The following SPTLC3 variants were observed in gnomAD, a reference collection of about 807,000 sequenced individuals.
The protein encoded by SPTLC3 is serine palmitoyltransferase 3.
A neutral mutation model predicts 59.3 loss-of-function variants in SPTLC3; 36 were observed. The ratio of observed to expected loss-of-function variants is 0.61; its 90% CI spans 0.47 to 0.80. The LOEUF (loss-of-function observed/expected upper bound fraction) is 0.80. Among genes scored for constraint, SPTLC3 ranks in the 30% least tolerant of loss-of-function variants. The probability of loss-of-function intolerance (pLI) is 0.00; values close to 1 mark genes in which losing one functional copy is unlikely to be tolerated. For missense variants in SPTLC3, 625 were observed against 685.1 expected, an observed-to-expected ratio of 0.91 and a Z score of 0.98; for synonymous variants, 257 against 240.8, an observed-to-expected ratio of 1.07 and a Z score of -0.62.
intron 9 of SPTLC3, among the ~76,000 whole-genome samples, chr20:13,141,348 A>C (rs1433808247): frequency 1.3e-5 from 2 of 152,226 alleles, no homozygotes; most frequent in African/African-American, 2.4e-5. Flanking sequence ...AGAGGGAATG[A>C]AAAGCAAAGA....
At chr20:13,163,723 A>T (rs2038942052) in intron 11 of SPTLC3, among the ~76,000 whole-genome samples, 1 of 152,088 alleles carries the variant, frequency 6.6e-6, no homozygotes, top group African/African-American at 2.4e-5. Flanking sequence ...AAAGTCCATA[A>T]GATCTATTAG....
chr20:13,066,103 A>G (rs1242865714), intron 2 of SPTLC3, among the ~76,000 whole-genome samples: 1 of 151,900 alleles, frequency 6.6e-6, no homozygotes, highest in African/African-American at 2.4e-5. Flanking sequence ...CCACCATTCT[A>G]CTCTCTGCTC....
intron 6 of SPTLC3, among the ~76,000 whole-genome samples, chr20:13,103,739 T>G (rs1237200518): frequency 6.6e-6 from 1 of 152,052 alleles, no homozygotes; most frequent in Non-Finnish European, 1.5e-5. Flanking sequence ...GGGCAGTGAG[T>G]GAAGATCTCA....
intron 4 of SPTLC3, among the ~76,000 whole-genome samples, chr20:13,078,049 T>A (rs11087045): frequency 0.098 from 14,753 of 150,290 alleles, 783 homozygotes; most frequent in Middle Eastern, 0.17. Context: ...CTAACAAACA[T>A]GCATTTAATA....
intron 2 of SPTLC3, among the ~76,000 whole-genome samples, chr20:13,071,895 T>C: frequency 6.6e-6 from 1 of 152,206 alleles, no homozygotes; most frequent in East Asian, 1.9e-4. Context: ...TATATTCATG[T>C]TCAAAAAAGT....
intron 2 of SPTLC3, among the ~76,000 whole-genome samples, chr20:13,063,554 T>C (rs541094094): frequency 6.6e-6 from 1 of 152,132 alleles, no homozygotes; most frequent in Admixed American, 6.5e-5. Context: ...TTTTAAACAT[T>C]TGGTCCATAA....
At chr20:13,010,082 A>G (rs1048236975) in intron 1 of SPTLC3, among the ~76,000 whole-genome samples, 2 of 151,652 alleles carry the variant, frequency 1.3e-5, no homozygotes, top group African/African-American at 4.9e-5. Context: ...ATGTTTGCAG[A>G]GTGTCCTAGG....
At chr20:13,032,677 A>C (rs1986547281) in intron 1 of SPTLC3, among the ~76,000 whole-genome samples, 1 of 151,852 alleles carries the variant, frequency 6.6e-6, no homozygotes, top group Non-Finnish European at 1.5e-5. Flanking sequence ...GCAGATATTC[A>C]CTAAACACTC....
rs190548927 is a variant in SPTLC3, at chr20:13,161,308, A to C, written c.1545+1176A>C. Among the ~76,000 whole-genome samples, 1,020 of 152,340 alleles carry C rather than the reference A, an allele frequency of 6.7e-3. 9 individuals are homozygous for C. Among genetic ancestry groups the C allele is most frequent in the Non-Finnish European group, 0.012 (793 of 68,030 alleles). On this transcript the variant is annotated intron_variant, in intron 11 of 11. Coordinates refer to ENST00000399002, the MANE Select transcript of SPTLC3 (RefSeq NM_018327.4). ...GGGAGTGGGGGAATAGAATGAGCTCAGTCCTAGACATGTTGAGACTATGTG... is the reference window on the plus strand; with the variant it reads ...GGGAGTGGGGGAATAGAATGAGCTCCGTCCTAGACATGTTGAGACTATGTG...
chr20:13,080,196 G>A (rs780857696), intron 4 of SPTLC3, among the ~76,000 whole-genome samples: 16 of 152,054 alleles, frequency 1.1e-4, no homozygotes, highest in African/African-American at 2.4e-4. Flanking sequence ...AATAGGATAC[G>A]TTTTTGATAA....
chr20:13,084,899 G>T (rs1339846855), intron 4 of SPTLC3, among the ~76,000 whole-genome samples: 1 of 152,164 alleles, frequency 6.6e-6, no homozygotes, highest in Non-Finnish European at 1.5e-5. Context: ...GGATGAGAGA[G>T]AAGTTATTAT....
chr20:13,118,469 A>C (rs976873475), intron 8 of SPTLC3, among the ~76,000 whole-genome samples: 2 of 151,580 alleles, frequency 1.3e-5, no homozygotes, highest in African/African-American at 4.8e-5. Flanking sequence ...ACAAAAAAAA[A>C]CAATAAATAT....
chr20:13,033,891 C>G (rs572026105), intron 1 of SPTLC3, among the ~76,000 whole-genome samples: 1 of 151,928 alleles, frequency 6.6e-6, no homozygotes. Context: ...TGTCTTAAGG[C>G]AGGCAGAGTG....
intron 9 of SPTLC3, among the ~76,000 whole-genome samples, chr20:13,148,069 T>C (rs2038556942): frequency 6.6e-6 from 1 of 152,154 alleles, no homozygotes; most frequent in East Asian, 1.9e-4. Flanking sequence ...AGAGAAGAAA[T>C]TTTCCTTCTT....
chr20:13,166,294 T>C lies in SPTLC3; in HGVS notation c.*1427T>C, dbSNP rs2123024062. The C allele has an allele frequency of 6.5e-6, 1 of 152,730 alleles. No homozygotes were observed. Among genetic ancestry groups the C allele is most frequent in the Middle Eastern group, 3.4e-3 (1 of 296 alleles). 9.5% of individuals were successfully genotyped at this position (152,730 alleles called of 1,614,324 possible). ...GAAACTCCACCCGCAGCGCCTGCGA[T>C]GGATGGAGCAGTGTGCCCTGATGCT... is the stretch of plus-strand genomic sequence containing the variant. On this transcript the variant is annotated 3_prime_UTR_variant, in exon 12 of 12. Transcript: ENST00000399002.
chr20:13,113,383 A>C lies in SPTLC3; in HGVS notation c.932+3166A>C, dbSNP rs188256164. ...TGCTTATGGTCTGCCACCATGGGTA[A>C]AGCACCCCCACATACATCAGCACAG... On this transcript the variant is annotated intron_variant, in intron 7 of 11. Transcript: ENST00000399002. 5.7e-4 allele frequency among the ~76,000 whole-genome samples: 86 copies of C among 152,158 alleles called. 1 individual carries two copies. The highest frequency in any genetic ancestry group is 5.6e-3 in the Admixed American group (86 of 15,282).
intron 1 of SPTLC3, among the ~76,000 whole-genome samples, chr20:13,043,381 A>C (rs1987078618): frequency 6.6e-6 from 1 of 152,190 alleles, no homozygotes; most frequent in Admixed American, 6.5e-5. Flanking sequence ...CTAACCTAGC[A>C]GTGTAATGGA....
At chr20:13,047,897 C>T (rs1987302110) in intron 1 of SPTLC3, among the ~76,000 whole-genome samples, 1 of 152,052 alleles carries the variant, frequency 6.6e-6, no homozygotes, top group Admixed American at 6.6e-5. Flanking sequence ...GACAAACCAC[C>T]TTAAAGAGAA....
intron 1 of SPTLC3, among the ~76,000 whole-genome samples, chr20:13,044,675 T>C (rs894118446): frequency 4.6e-5 from 7 of 152,188 alleles, no homozygotes; most frequent in Non-Finnish European, 1.0e-4. Context: ...ATTTAATGAG[T>C]TTTTGTATTG....
Sources: gnomAD v4.1 joint callset for allele counts (sites outside exome capture counted in the v4.1 genomes callset) on GRCh38, gnomAD v4.1.1 for gene constraint, MANE v1.5 for transcripts, NCBI Gene and HGNC (gene_info 2026-07-23, HGNC 2026-07-21) for gene names.